HNMT: variants seen among roughly 807,000 people sequenced by gnomAD.
HNMT encodes histamine N-methyltransferase.
Under a neutral mutation model 32.1 loss-of-function variants are expected in HNMT, and 30 were observed. The observed-to-expected ratio is 0.93, with a 90% confidence interval of 0.70 to 1.27. HNMT has a LOEUF of 1.27. Ranked by LOEUF, HNMT falls within the 50% of genes most tolerant of loss-of-function variation. The pLI, the probability that HNMT is intolerant of heterozygous loss-of-function variation, is 0.00. For synonymous variants in HNMT, 125 were observed against 119.0 expected, an observed-to-expected ratio of 1.05 and a Z score of -0.33; for missense variants, 327 against 346.0, an observed-to-expected ratio of 0.95 and a Z score of 0.43.
At chr2:137,988,427 C>G (rs1033173328) in intron 2 of HNMT, 1 of 152,068 alleles carries the variant, frequency 6.6e-6, no homozygotes, top group African/African-American at 2.4e-5. Flanking sequence ...GAAGAAGAAA[C>G]TTTGAGTGAT....
intron 1 of HNMT, chr2:137,967,096 G>T (rs1679980830): frequency 1.3e-6 from 1 of 780,512 alleles, no homozygotes; most frequent in South Asian, 1.3e-5. Flanking sequence ...CTGTCTTTTA[G>T]ATACCAGAAT....
chr2:137,976,834 T>C (rs1281089179), intron 2 of HNMT, among the ~76,000 whole-genome samples: 3 of 152,184 alleles, frequency 2.0e-5, no homozygotes, highest in Non-Finnish European at 4.4e-5. Context: ...GCTTACCCCA[T>C]TGTATTGTAT....
intron 2 of HNMT, among the ~76,000 whole-genome samples, chr2:137,993,789 T>C (rs369332300): frequency 1.3e-5 from 2 of 152,028 alleles, no homozygotes; most frequent in East Asian, 3.9e-4. Flanking sequence ...CCAGGTCACC[T>C]ACAAAGGGAA....
chr2:137,966,644 C>T (rs1011080747), intron 1 of HNMT, among the ~76,000 whole-genome samples: 1 of 152,088 alleles, frequency 6.6e-6, no homozygotes, highest in Non-Finnish European at 1.5e-5. Flanking sequence ...TTTCTTAGTT[C>T]TCCATGTACC....
chr2:137,990,165 A>G (rs1680776037), intron 2 of HNMT, among the ~76,000 whole-genome samples: 1 of 152,190 alleles, frequency 6.6e-6, no homozygotes, highest in Non-Finnish European at 1.5e-5. Context: ...CGCCGTACCC[A>G]AGGTCATCTA....
At position 138,003,494 on chromosome 2, in the gene HNMT, T is replaced by C. The variant is rs1490054055; in HGVS notation, c.429+1300T>C. Among the ~76,000 whole-genome samples the C allele has an allele frequency of 2.0e-5, 3 of 152,144 alleles. No homozygotes were observed. In the South Asian group the frequency reaches 6.2e-4, roughly 31 times the overall value. ...GAAGAAATACTCCAATTGTGTCATA[T>C]ACAGGCAATTCTATGTCTCTGCTTC... On this transcript the variant is annotated intron_variant, in intron 4 of 5. Transcript: ENST00000280097.
At chr2:137,977,410 CTTG>C (rs1680318950) in intron 2 of HNMT, among the ~76,000 whole-genome samples, 1 of 152,022 alleles carries the variant, frequency 6.6e-6, no homozygotes, top group South Asian at 2.1e-4. Flanking sequence ...GTGTAGGTGA[CTTG>C]TTGTTATCTT....
chr2:137,970,280 T>C, intron 2 of HNMT, 63 bp downstream of exon 2: 1 of 945,978 alleles, frequency 1.1e-6, no homozygotes, highest in African/African-American at 1.7e-5. Context: ...GTGATGACAA[T>C]ATTGTTCATT....
intron 4 of HNMT, chr2:138,002,820 T>C: frequency 3.1e-6 from 3 of 955,598 alleles, no homozygotes; most frequent in Non-Finnish European, 3.7e-6. Flanking sequence ...TATTCTCTAG[T>C]GGCTCTAATG....
At chr2:138,013,690 T>C in intron 5 of HNMT, 85 bp from the exon 6 acceptor site, 2 of 942,288 alleles carry the variant, frequency 2.1e-6, no homozygotes, top group Non-Finnish European at 3.2e-6. Context: ...TATTTTGTTC[T>C]ATTCTAAGCA....
At chr2:137,996,754 C>T (rs1681009407) in intron 2 of HNMT, among the ~76,000 whole-genome samples, 1 of 152,148 alleles carries the variant, frequency 6.6e-6, no homozygotes, top group Admixed American at 6.5e-5. Flanking sequence ...AGGCATCATG[C>T]CACCTGACTT....
chr2:137,967,278 G>A (rs959724943), intron 1 of HNMT: 11 of 595,770 alleles, frequency 1.8e-5, no homozygotes, highest in Non-Finnish European at 3.3e-5. Context: ...TGAACAAGGC[G>A]GCATGCACAT....
intron 1 of HNMT, 137 bp from the exon 2 acceptor site, chr2:137,970,028 T>C (rs1445839453): frequency 7.6e-6 from 4 of 525,070 alleles, no homozygotes; most frequent in Middle Eastern, 4.8e-4. Flanking sequence ...ATATAACTGA[T>C]ATAATTGGGA....
At chr2:138,002,844 A>G (rs990398224) in intron 4 of HNMT, 3 of 873,034 alleles carry the variant, frequency 3.4e-6, no homozygotes, top group South Asian at 5.3e-5. Flanking sequence ...TGGGTGGACC[A>G]ATGTCCCAGA....
At chr2:137,970,302 C>T (rs1018569540) in intron 2 of HNMT, 85 bp downstream of exon 2, 7 of 611,846 alleles carry the variant, frequency 1.1e-5, no homozygotes, top group South Asian at 5.4e-5. Flanking sequence ...TTTAGGAAGA[C>T]TTTTTTTTTT....
At chr2:138,005,108 A>T (rs1442919106) in intron 4 of HNMT, 24 bp from the exon 5 acceptor site, 2 of 1,293,916 alleles carry the variant, frequency 1.5e-6, no homozygotes. Context: ...GAAGCAGCTC[A>T]TTTCTCTTTT....
rs1159801442 is a variant in HNMT at position 137,981,323 on chromosome 2, T to C, written c.190+11106T>C. 8 of 1,613,416 alleles carry C rather than the reference T, an allele frequency of 5.0e-6. No individual in the cohort carries two copies. The Middle Eastern group carries it at 6.6e-4, about 133-fold the overall frequency. ...AGGCATGAGGATCCATGATGAGCGC[T>C]CTTCTGAGTTGCCATTTGGAGCTGC... On this transcript the variant is annotated intron_variant, in intron 2 of 5. Coordinates refer to ENST00000280097, the MANE Select transcript of HNMT (RefSeq NM_006895.3).
intron 2 of HNMT, among the ~76,000 whole-genome samples, chr2:137,987,553 C>A (rs1046644670): frequency 2.8e-5 from 4 of 142,098 alleles, no homozygotes; most frequent in African/African-American, 1.0e-4. Flanking sequence ...ATAGTCATAA[C>A]ATTGTGGGTC....
intron 2 of HNMT, among the ~76,000 whole-genome samples, chr2:137,972,534 A>G (rs944427579): frequency 6.6e-6 from 1 of 152,252 alleles, no homozygotes; most frequent in East Asian, 1.9e-4. Context: ...AATAGAAACC[A>G]ACAAAGACAG....
Sources: allele counts gnomAD v4.1 joint callset (sites outside exome capture counted in the v4.1 genomes callset), GRCh38; gene constraint gnomAD v4.1.1; transcripts MANE v1.5; gene names NCBI Gene and HGNC (gene_info 2026-07-23, HGNC 2026-07-21).